The following KAZN variants were observed in gnomAD, a reference collection of about 807,000 sequenced individuals.
KAZN encodes the protein kazrin.
KAZN carries 40 observed loss-of-function variants against 87.4 expected under a neutral mutation model. The ratio of observed to expected loss-of-function variants is 0.46; its 90% CI spans 0.36 to 0.60. The LOEUF (loss-of-function observed/expected upper bound fraction) is 0.60, where lower values mean the gene tolerates loss of function less well. Ranked by LOEUF, KAZN falls within the 20% of genes least tolerant of loss-of-function variation. The pLI is 0.00. For missense variants in KAZN, 898 were observed against 1,073.9 expected (o/e 0.84, Z 2.29); for synonymous variants, 466 against 458.3 (o/e 1.02, Z -0.22).
chr1:14,397,555 C>T (rs1207626820), intron 2 of KAZN, among the ~76,000 whole-genome samples: 4 of 152,090 alleles, frequency 2.6e-5, no homozygotes, highest in Non-Finnish European at 5.9e-5. Flanking sequence ...CTCACTCTGA[C>T]CAATAGAATA....
Position 15,029,938 on chromosome 1 carries a change from C to G in KAZN, c.419-4811C>G, listed in dbSNP as rs60931367. Among the ~76,000 whole-genome samples, 985 of 152,238 alleles carry G rather than the reference C, an allele frequency of 6.5e-3. 15 individuals are homozygous for G. The highest frequency in any genetic ancestry group is 0.023 in the African/African-American group (943 of 41,562). On this transcript the variant is annotated intron_variant, in intron 2 of 14. Transcript: ENST00000376030. ...ACAGTGATAGCATGGCTGGGGTCAG[C>G]GCCCCTGCCCTCCAGGAGCCACTCC... is the stretch of plus-strand genomic sequence containing the variant.
chr1:15,069,879 G>A (rs1463368509), intron 8 of KAZN, among the ~76,000 whole-genome samples: 4 of 152,120 alleles, frequency 2.6e-5, no homozygotes, highest in Admixed American at 6.5e-5. Flanking sequence ...TCCTACCCAC[G>A]TTGCAGGCTA....
intron 2 of KAZN, among the ~76,000 whole-genome samples, chr1:14,438,201 G>A (rs1666509267): frequency 6.6e-6 from 1 of 152,004 alleles, no homozygotes; most frequent in Admixed American, 6.5e-5. Flanking sequence ...AGTCCTGTGG[G>A]TATAGGCTTA....
chr1:14,791,793 A>T (rs186994481), intron 1 of KAZN, among the ~76,000 whole-genome samples: 11 of 152,336 alleles, frequency 7.2e-5, no homozygotes, highest in African/African-American at 2.4e-4. Flanking sequence ...GGCAGCAGGC[A>T]CGAGCCACCA....
At chr1:14,952,027 C>CG (rs1662545376) in intron 1 of KAZN, among the ~76,000 whole-genome samples, 1 of 152,110 alleles carries the variant, frequency 6.6e-6, no homozygotes, top group African/African-American at 2.4e-5. Context: ...GAGCCTCAGG[C>CG]GGGGACCACC....
At chr1:14,527,645 A>AT in intron 2 of KAZN, among the ~76,000 whole-genome samples, 1 of 151,780 alleles carries the variant, frequency 6.6e-6, no homozygotes, top group Admixed American at 6.6e-5. Context: ...GCTCCTGGTG[A>AT]GGGGCTCCAG....
At chr1:15,072,069 C>T (rs1291037687) in intron 8 of KAZN, among the ~76,000 whole-genome samples, 1 of 152,156 alleles carries the variant, frequency 6.6e-6, no homozygotes, top group Admixed American at 6.5e-5. Context: ...CCTGGATAAT[C>T]GCTCCCAGTT....
chr1:14,340,206 C>T (rs754977971), intron 2 of KAZN, among the ~76,000 whole-genome samples: 1 of 152,196 alleles, frequency 6.6e-6, no homozygotes, highest in Non-Finnish European at 1.5e-5. Context: ...TTGGAAGCTA[C>T]TTCTTATTTA....
At chr1:14,936,204 G>T (rs1660437198) in intron 1 of KAZN, among the ~76,000 whole-genome samples, 1 of 152,322 alleles carries the variant, frequency 6.6e-6, no homozygotes, top group Admixed American at 6.5e-5. Flanking sequence ...GTCCCTGTTT[G>T]GTGAAATGAA....
chr1:14,314,936 C>A (rs1655553388), intron 2 of KAZN, among the ~76,000 whole-genome samples: 1 of 152,014 alleles, frequency 6.6e-6, no homozygotes, highest in South Asian at 2.1e-4. Context: ...GGTACGTGGC[C>A]TTTTGCATCT....
intron 2 of KAZN, among the ~76,000 whole-genome samples, chr1:14,410,992 A>G (rs1266883156): frequency 6.6e-6 from 1 of 152,230 alleles, no homozygotes; most frequent in East Asian, 1.9e-4. Context: ...GATTTGTTTC[A>G]GCATCCCTAG....
intron 1 of KAZN, among the ~76,000 whole-genome samples, chr1:14,168,302 T>C (rs1043636027): frequency 4.6e-5 from 7 of 152,110 alleles, no homozygotes; most frequent in African/African-American, 1.7e-4. Flanking sequence ...TAAAGAAAAG[T>C]GAAGCTGTTT....
At chr1:15,074,017 T>A (rs1639629819) in intron 8 of KAZN, among the ~76,000 whole-genome samples, 1 of 152,206 alleles carries the variant, frequency 6.6e-6, no homozygotes, top group Non-Finnish European at 1.5e-5. Context: ...CCCAGCGCCT[T>A]CAGGGCCCCT....
At position 15,094,062 on chromosome 1, in the gene KAZN, G is replaced by A. The variant is rs1173961972; in HGVS notation, c.1223-118G>A. On this transcript the variant is annotated intron_variant, in intron 8 of 14. Transcript: ENST00000376030. This position sits in a 1 kb window ranked among gnomAD's most constrained non-coding sequence, Gnocchi z 4.5. ...CGCCAAAAGCCACTTTGATTTTGAA[G>A]AGAATACATGGAGGGGAGGATGTCC... 1 of 803,020 alleles carries A rather than the reference G, an allele frequency of 1.2e-6. No individual in the cohort carries two copies. Among genetic ancestry groups the A allele is most frequent in the Non-Finnish European group, 1.9e-6 (1 of 516,674 alleles). The allele number at this position is 803,020 out of a possible 1,614,324, so 49.7% of individuals were successfully genotyped here. A position where few individuals can be genotyped will look rare whatever the true frequency, so the allele number is the denominator to read the frequency against.
chr1:14,212,618 G>A (rs1178214690), intron 2 of KAZN, among the ~76,000 whole-genome samples: 2 of 152,128 alleles, frequency 1.3e-5, no homozygotes, highest in Non-Finnish European at 2.9e-5. Flanking sequence ...CAATATCCCA[G>A]CTGCCAGCAG....
At chr1:14,416,952 GTGTA>G (rs1664820259) in intron 2 of KAZN, among the ~76,000 whole-genome samples, 1 of 144,220 alleles carries the variant, frequency 6.9e-6, no homozygotes, top group African/African-American at 2.5e-5. Flanking sequence ...GCGTGTATAT[GTGTA>G]TGTGTGTATA....
intron 1 of KAZN, among the ~76,000 whole-genome samples, chr1:14,173,881 A>C (rs1332389509): frequency 6.6e-6 from 1 of 152,212 alleles, no homozygotes; most frequent in East Asian, 1.9e-4. Flanking sequence ...CACACATGGA[A>C]AGAATGTTCC....
intron 8 of KAZN, among the ~76,000 whole-genome samples, chr1:15,093,042 C>T (rs1031355721): frequency 6.6e-6 from 1 of 151,944 alleles, no homozygotes; most frequent in African/African-American, 2.4e-5. Flanking sequence ...AAGACGACTG[C>T]CGCTGTGTTG....
At chr1:14,958,758 G>A (rs1288099030) in intron 1 of KAZN, among the ~76,000 whole-genome samples, 1 of 152,200 alleles carries the variant, frequency 6.6e-6, no homozygotes, top group African/African-American at 2.4e-5. Flanking sequence ...ACCTGCATGT[G>A]TCCGGTCTAG....
Sources: gnomAD v4.1 joint callset for allele counts (sites outside exome capture counted in the v4.1 genomes callset) on GRCh38, gnomAD v4.1.1 for gene constraint, Gnocchi (gnomAD v3.1) non-coding constraint, MANE v1.5 for transcripts, NCBI Gene and HGNC (gene_info 2026-07-23, HGNC 2026-07-21) for gene names.